LINC01488: variants seen among roughly 807,000 people sequenced by gnomAD.
The protein encoded by LINC01488 is CCND1-upstream intergenic DNA repair 1.
At chr11:69,486,603 TG>T (rs143090291) in intron 1 of LINC01488, among the ~76,000 whole-genome samples, 1,544 of 152,298 alleles carry the variant, frequency 0.01, 29 homozygotes, top group African/African-American at 0.036. Context: ...CTCGCTGTCC[TG>T]GGGGGTCTTC....
chr11:69,490,236 G>A (rs897999063), intron 1 of LINC01488, among the ~76,000 whole-genome samples: 2 of 152,220 alleles, frequency 1.3e-5, no homozygotes, highest in Non-Finnish European at 2.9e-5. Context: ...CTGTTCCGCC[G>A]AATGGGCTTT....
At chr11:69,481,807 A>G (rs557084567) in intron 1 of LINC01488, 1 of 152,384 alleles carries the variant, frequency 6.6e-6, no homozygotes, top group Admixed American at 6.5e-5. Flanking sequence ...CAGCTTTGAG[A>G]TCGTAAGCCC....
chr11:69,490,038 T>C (rs1218454647), intron 1 of LINC01488, among the ~76,000 whole-genome samples: 1 of 152,138 alleles, frequency 6.6e-6, no homozygotes, highest in Admixed American at 6.5e-5. Flanking sequence ...CACCACAGCA[T>C]AGGTCAGAAA....
rs149885296 is a variant in LINC01488, at chr11:69,484,834, G to A, written n.122+3051G>A. ...TGGGTCAAACCCTGGGCTCAGGACC[G>A]TCTGCAGGTCACCTCCTCCCTGAAG... On this transcript the variant is annotated intron_variant and non_coding_transcript_variant, in intron 1 of 3. Coordinates refer to ENST00000644563, the Ensembl canonical transcript of LINC01488. Among the ~76,000 whole-genome samples, 55 of 152,324 alleles carry A rather than the reference G, an allele frequency of 3.6e-4. No individual in the cohort carries two copies. In the East Asian group the frequency reaches 8.1e-3, roughly 22 times the overall value.
intron 1 of LINC01488, among the ~76,000 whole-genome samples, chr11:69,489,677 C>T (rs1027320681): frequency 6.6e-6 from 1 of 152,198 alleles, no homozygotes; most frequent in African/African-American, 2.4e-5. Flanking sequence ...GCCGTAGGCT[C>T]CCCCGCAGGG....
intron 1 of LINC01488, chr11:69,481,820 T>C (rs1181030224): frequency 6.6e-6 from 1 of 152,198 alleles, no homozygotes; most frequent in Non-Finnish European, 1.5e-5. Flanking sequence ...GTAAGCCCTT[T>C]AAATAGGGAG....
chr11:69,490,217 T>C (rs1170493294), intron 1 of LINC01488, among the ~76,000 whole-genome samples: 1 of 152,198 alleles, frequency 6.6e-6, no homozygotes, highest in African/African-American at 2.4e-5. Context: ...GGCCCATCCC[T>C]AGTCAGCCCT....
intron 3 of LINC01488, chr11:69,491,872 A>G (rs1565194633): frequency 6.5e-6 from 1 of 152,722 alleles, no homozygotes; most frequent in East Asian, 1.9e-4. Flanking sequence ...GAGCGGGGAC[A>G]TTTGGAGCAC....
intron 1 of LINC01488, among the ~76,000 whole-genome samples, chr11:69,486,481 A>C (rs1353569080): frequency 6.6e-6 from 1 of 152,240 alleles, no homozygotes; most frequent in East Asian, 1.9e-4. Flanking sequence ...GTGAAGGCGC[A>C]AAAGCCGTGT....
At chr11:69,486,344 A>G (rs2134968750) in intron 1 of LINC01488, among the ~76,000 whole-genome samples, 1 of 152,242 alleles carries the variant, frequency 6.6e-6, no homozygotes, top group Non-Finnish European at 1.5e-5. Context: ...CTGGGGGAGC[A>G]TCTGAGAACC....
intron 1 of LINC01488, among the ~76,000 whole-genome samples, chr11:69,490,224 C>T (rs149231001): frequency 7.9e-5 from 12 of 152,222 alleles, no homozygotes; most frequent in African/African-American, 2.9e-4. Context: ...CCCTAGTCAG[C>T]CCTGTTCCGC....
At chr11:69,482,140 A>T (rs1054394317) in intron 1 of LINC01488, among the ~76,000 whole-genome samples, 1 of 152,182 alleles carries the variant, frequency 6.6e-6, no homozygotes, top group African/African-American at 2.4e-5. Context: ...ATGGCTGGGG[A>T]GGCCTCACAA....
intron 1 of LINC01488, among the ~76,000 whole-genome samples, chr11:69,489,502 A>G (rs1487357335): frequency 6.6e-6 from 1 of 152,246 alleles, no homozygotes. Flanking sequence ...AATAGCCAGC[A>G]GCAGCTTTCC....
At chr11:69,489,232 G>A (rs997221804) in intron 1 of LINC01488, among the ~76,000 whole-genome samples, 1 of 151,930 alleles carries the variant, frequency 6.6e-6, no homozygotes, top group East Asian at 1.9e-4. Flanking sequence ...TCTCTCCACC[G>A]CAGACCACAC....
chr11:69,490,998 T>C (rs573926115), intron 2 of LINC01488: 1 of 152,142 alleles, frequency 6.6e-6, no homozygotes, highest in African/African-American at 2.4e-5. Context: ...CAGCCAGCCA[T>C]CGTTTCTTTT....
intron 1 of LINC01488, among the ~76,000 whole-genome samples, chr11:69,484,475 G>A (rs1857083229): frequency 6.6e-6 from 1 of 152,210 alleles, no homozygotes; most frequent in Non-Finnish European, 1.5e-5. Context: ...TCCCAAGGGA[G>A]CCCTGAGATG....
chr11:69,482,765 T>C (rs111554046), intron 1 of LINC01488, among the ~76,000 whole-genome samples: 4,295 of 152,284 alleles, frequency 0.028, 204 homozygotes, highest in African/African-American at 0.097. Flanking sequence ...TGTTTCTTCT[T>C]TCACCGTCCT....
At chr11:69,484,579 C>T (rs150802705) in intron 1 of LINC01488, among the ~76,000 whole-genome samples, 2 of 152,228 alleles carry the variant, frequency 1.3e-5, no homozygotes, top group African/African-American at 2.4e-5. Context: ...TTAAGGACCT[C>T]TAGTGTGAAA....
chr11:69,482,771 G>A (rs1274481489), intron 1 of LINC01488, among the ~76,000 whole-genome samples: 4 of 152,186 alleles, frequency 2.6e-5, no homozygotes, highest in Non-Finnish European at 4.4e-5. Flanking sequence ...TTCTTTCACC[G>A]TCCTGGAGGC....
Sources: gnomAD v4.1 joint callset for allele counts (sites outside exome capture counted in the v4.1 genomes callset) on GRCh38, gnomAD v4.1.1 for gene constraint, MANE v1.5 for transcripts, NCBI Gene and HGNC (gene_info 2026-07-23, HGNC 2026-07-21) for gene names.